Variants in B3GALT1 observed in about 807,000 individuals in gnomAD.
B3GALT1 encodes beta-1,3-galactosyltransferase 1, also known as UDP-Gal:betaGlcNAc beta 1,3-galactosyltransferase, polypeptide 1.
In B3GALT1, 10 loss-of-function variants were observed where a neutral mutation model predicts 23.2. That is an observed-to-expected ratio of 0.43 (90% CI 0.27 to 0.73). The LOEUF is 0.73. Among genes scored for constraint, B3GALT1 ranks in the 30% least tolerant of loss-of-function variants. The pLI, the probability that B3GALT1 is intolerant of heterozygous loss-of-function variation, is 0.21. For synonymous variants in B3GALT1, 156 were observed against 141.5 expected (o/e 1.10, Z -0.73); for missense variants, 299 against 405.4 (o/e 0.74, Z 2.25).
chr2:167,757,537 A>G (rs553362846), intron 3 of B3GALT1, among the ~76,000 whole-genome samples: 20 of 152,232 alleles, frequency 1.3e-4, no homozygotes, highest in African/African-American at 3.9e-4. Context: ...TTTTTTTTAA[A>G]GGGGGGAAAA....
intron 2 of B3GALT1, among the ~76,000 whole-genome samples, chr2:167,621,710 A>G (rs1181462621): frequency 1.3e-5 from 2 of 152,056 alleles, no homozygotes; most frequent in Non-Finnish European, 2.9e-5. Context: ...GGTTACCCCC[A>G]TGCTGCTGTT....
intron 1 of B3GALT1, among the ~76,000 whole-genome samples, chr2:167,315,881 CATTAT>C (rs1466376886): frequency 5.1e-4 from 77 of 152,114 alleles, no homozygotes; most frequent in African/African-American, 1.8e-3. Context: ...CATTTCTACC[CATTAT>C]ATTATATTTC....
At position 167,340,647 on chromosome 2, in the gene B3GALT1, C is replaced by G. The variant is rs376713103; in HGVS notation, c.-511+47313C>G. 3.3e-4 allele frequency among the ~76,000 whole-genome samples: 51 copies of G among 152,312 alleles called. 1 individual carries two copies. In the South Asian group the frequency reaches 0.01, roughly 31 times the overall value. ...CATGTCACCTTGACGTAACTCTTTT[C>G]ATGGCTCCTTTAAGATTATCGGAGT... On this transcript the variant is annotated intron_variant, in intron 1 of 4. Transcript: ENST00000392690.
At chr2:167,379,745 A>G (rs1363623466) in intron 1 of B3GALT1, among the ~76,000 whole-genome samples, 1 of 152,226 alleles carries the variant, frequency 6.6e-6, no homozygotes, top group African/African-American at 2.4e-5. Flanking sequence ...GGGCAGGGCC[A>G]TACTGGGCAG....
At chr2:167,854,190 C>A (rs1689957008) in intron 4 of B3GALT1, among the ~76,000 whole-genome samples, 1 of 152,128 alleles carries the variant, frequency 6.6e-6, no homozygotes, top group African/African-American at 2.4e-5. Context: ...CACAGCCAGC[C>A]TGTAAATTAG....
At chr2:167,305,428 G>T (rs1406623080) in intron 1 of B3GALT1, among the ~76,000 whole-genome samples, 1 of 151,990 alleles carries the variant, frequency 6.6e-6, no homozygotes, top group Non-Finnish European at 1.5e-5. Context: ...TGATATTTTG[G>T]TTAACACAAC....
At chr2:167,440,706 G>C (rs189028306) in intron 1 of B3GALT1, among the ~76,000 whole-genome samples, 1 of 151,166 alleles carries the variant, frequency 6.6e-6, no homozygotes, top group African/African-American at 2.4e-5. Context: ...CTCTCTGTTG[G>C]TTCTGTTATC....
intron 3 of B3GALT1, among the ~76,000 whole-genome samples, chr2:167,743,168 C>G (rs888817543): frequency 2.6e-5 from 4 of 152,044 alleles, no homozygotes; most frequent in African/African-American, 9.7e-5. Flanking sequence ...TACCCAAACT[C>G]CTACTAATAG....
intron 3 of B3GALT1, among the ~76,000 whole-genome samples, chr2:167,774,498 T>TTTTTTTTTTTTTTTTTTTTTTTTG (rs1558974793): frequency 1.5e-4 from 5 of 34,454 alleles, no homozygotes; most frequent in Non-Finnish European, 1.8e-4. Flanking sequence ...TTTTTTTTTG[T>TTTTTTTTTTTTTTTTTTTTTTTTG]TTTTTTTTTT....
intron 1 of B3GALT1, among the ~76,000 whole-genome samples, chr2:167,428,778 G>C (rs771898014): frequency 2.6e-5 from 4 of 152,058 alleles, no homozygotes; most frequent in Non-Finnish European, 5.9e-5. Flanking sequence ...GAGTTTCATG[G>C]CTGCTCCTTA....
At chr2:167,708,055 C>T (rs1023425323) in intron 3 of B3GALT1, among the ~76,000 whole-genome samples, 1 of 152,184 alleles carries the variant, frequency 6.6e-6, no homozygotes, top group Non-Finnish European at 1.5e-5. Context: ...TTTTACACTC[C>T]CATGCCTCCT....
intron 3 of B3GALT1, among the ~76,000 whole-genome samples, chr2:167,771,914 G>C (rs1457747473): frequency 6.6e-6 from 1 of 152,158 alleles, no homozygotes; most frequent in Non-Finnish European, 1.5e-5. Flanking sequence ...AAGCAGATAC[G>C]CTAACCAATA....
intron 1 of B3GALT1, among the ~76,000 whole-genome samples, chr2:167,299,623 AAAT>A (rs1373844709): frequency 6.6e-6 from 1 of 152,134 alleles, no homozygotes; most frequent in Non-Finnish European, 1.5e-5. Context: ...AACAATTAAC[AAAT>A]AATAGATTGC....
chr2:167,797,562 C>G (rs1688564188), intron 3 of B3GALT1, among the ~76,000 whole-genome samples: 1 of 152,180 alleles, frequency 6.6e-6, no homozygotes, highest in Non-Finnish European at 1.5e-5. Flanking sequence ...ACACTGTCTT[C>G]CACAGTGGTT....
intron 2 of B3GALT1, among the ~76,000 whole-genome samples, chr2:167,636,486 T>A (rs1685558790): frequency 6.6e-6 from 1 of 152,078 alleles, no homozygotes; most frequent in African/African-American, 2.4e-5. Context: ...CATTACTGGG[T>A]ATAAACCCAA....
chr2:167,463,354 A>G (rs1031310698), intron 1 of B3GALT1, among the ~76,000 whole-genome samples: 5 of 152,136 alleles, frequency 3.3e-5, no homozygotes, highest in African/African-American at 1.2e-4. Context: ...ACGTGAGTCT[A>G]TACGGTCATC....
chr2:167,695,832 C>G (rs1372918956), intron 3 of B3GALT1, among the ~76,000 whole-genome samples: 2 of 152,150 alleles, frequency 1.3e-5, no homozygotes, highest in African/African-American at 4.8e-5. Flanking sequence ...TCTCAACCAG[C>G]AGCTTTCATC....
chr2:167,793,033 AT>A (rs969359364), intron 3 of B3GALT1, among the ~76,000 whole-genome samples: 1 of 152,140 alleles, frequency 6.6e-6, no homozygotes, highest in Non-Finnish European at 1.5e-5. Flanking sequence ...AATAACAGGA[AT>A]TTCAATGAAA....
intron 3 of B3GALT1, among the ~76,000 whole-genome samples, chr2:167,693,865 AT>A (rs1686752385): frequency 6.6e-6 from 1 of 152,106 alleles, no homozygotes; most frequent in Admixed American, 6.5e-5. Context: ...AGACCACCCC[AT>A]AACACAGAGG....
Sources: allele counts gnomAD v4.1 joint callset (sites outside exome capture counted in the v4.1 genomes callset), GRCh38; gene constraint gnomAD v4.1.1; transcripts MANE v1.5; gene names NCBI Gene and HGNC (gene_info 2026-07-23, HGNC 2026-07-21).